SSBP4: variants seen among roughly 807,000 people sequenced by gnomAD.
SSBP4 encodes single-stranded DNA-binding protein 4.
In SSBP4, 33 loss-of-function variants were observed where a neutral mutation model predicts 64.6. That is an observed-to-expected ratio of 0.51 (90% confidence interval 0.39 to 0.68). The LOEUF is 0.68. Among genes scored for constraint, SSBP4 ranks in the 30% least tolerant of loss-of-function variants. The pLI, the probability that SSBP4 is intolerant of heterozygous loss-of-function variation, is 0.00. For missense variants in SSBP4, 583 were observed against 566.8 expected (o/e 1.03, Z -0.29); for synonymous variants, 243 against 224.0 (o/e 1.08, Z -0.76).
rs565424877 is a variant in SSBP4 at position 18,434,277 on chromosome 19, C to T, written c.*31C>T. 3.1e-6 allele frequency: 5 copies of T among 1,609,262 alleles called. No individual in the cohort carries two copies. In the South Asian group the frequency reaches 5.5e-5, roughly 18 times the overall value. ...CGGCAGCCCCGGGCCTCTCTGCGGG[C>T]CTAGGCTTCTGCCCAGCGCCCCTGC... is the stretch of plus-strand genomic sequence containing the variant. On this transcript the variant is annotated 3_prime_UTR_variant, in exon 18 of 18. Transcript: ENST00000270061.
Position 18,427,980 on chromosome 19 carries a change from T to A in SSBP4, c.277T>A (p.Tyr93Asn). The A allele has an allele frequency of 6.2e-7, 1 of 1,611,032 alleles. No individual in the cohort carries two copies. Among genetic ancestry groups the A allele is most frequent in the Non-Finnish European group, 8.5e-7 (1 of 1,179,846 alleles). The change falls in exon 4 of 18, where the codon TAT becomes AAT. Residue 93 changes from tyrosine to asparagine, a missense_variant and splice_region_variant. By Grantham distance (143) the Tyr-to-Asn change is moderately radical. This residue lies in a region of SSBP4 where 444 missense variants were observed against 386.6 expected (regional missense o/e 1.15). Transcript: ENST00000270061. The surrounding 1 kb of genome is among the most constrained non-coding windows in gnomAD (Gnocchi z 4.4). ...CGGCGAGGCCAAGGCCTTCCAGGACTATGTGAGTCCTGGCCCCAGGGACTC... is the reference window on the plus strand; with the variant it reads ...CGGCGAGGCCAAGGCCTTCCAGGACAATGTGAGTCCTGGCCCCAGGGACTC... ...HSGEAKAFQD[Y>N]SAAAAPSPVM...
In SSBP4 at chr19:18,433,028, C is replaced by T. The variant is rs780834579; in HGVS notation, c.897C>T (p.Gly299=). 1 of 1,614,142 alleles carries T rather than the reference C, an allele frequency of 6.2e-7. No homozygotes were observed. The highest frequency in any genetic ancestry group is 8.5e-7 in the Non-Finnish European group (1 of 1,180,032). Residue 299 remains glycine, a synonymous_variant, in exon 14 of 18, where the codon GGC becomes GGT. Coordinates refer to ENST00000270061, the MANE Select transcript of SSBP4 (RefSeq NM_032627.5). ...CTATCATGAACCCCATCGGGCAGGG[C>T]GCCGGCAGGGCTAATGTGAGTGGGG... ...MYTIMNPIGQ[G]AGRANFPLGP...
At chr19:18,433,410 C>A in intron 15 of SSBP4, 175 bp from the exon 16 acceptor site, 2 of 1,296,372 alleles carry the variant, frequency 1.5e-6, no homozygotes, top group Non-Finnish European at 2.1e-6. Context: ...GCACTGACCG[C>A]CCCTCCCCCC....
Position 18,427,549 on chromosome 19 carries a change from G to A in SSBP4, c.132+126G>A. 1 of 1,309,122 alleles carries A rather than the reference G, an allele frequency of 7.6e-7. No individual in the cohort carries two copies. The highest frequency in any genetic ancestry group is 1.0e-6 in the Non-Finnish European group (1 of 953,718). The allele number at this position is 1,309,122 out of a possible 1,614,324, so 81.1% of individuals were successfully genotyped here. A position where few individuals can be genotyped will look rare whatever the true frequency, so the allele number is the denominator to read the frequency against. ...GATGGCCCTGGGAACTGAGGGCTCT[G>A]CAGGGTCCAGGCCCTGGGCTAGCAT... is the stretch of plus-strand genomic sequence containing the variant. On this transcript the variant is annotated intron_variant, in intron 2 of 17. Transcript: ENST00000270061. This position sits in a 1 kb window ranked among gnomAD's most constrained non-coding sequence, Gnocchi z 4.4.
At chr19:18,431,600 G>C in intron 6 of SSBP4, 47 bp from the exon 7 acceptor site, 1 of 1,518,794 alleles carries the variant, frequency 6.6e-7, no homozygotes, top group Non-Finnish European at 8.9e-7. Context: ...GTAGCTTTGG[G>C]GACCAGAGGG....
the SSBP4 span, among the ~76,000 whole-genome samples, chr19:18,404,370 G>C: frequency 6.6e-6 from 1 of 151,754 alleles, no homozygotes; most frequent in Admixed American, 6.6e-5. Context: ...GAGGCAGGTG[G>C]ATCACCTGAG....
chr19:18,432,505 G>A, intron 10 of SSBP4, 54 bp from the exon 11 acceptor site: 2 of 1,529,892 alleles, frequency 1.3e-6, no homozygotes, highest in Non-Finnish European at 1.8e-6. Context: ...GTGTGGTGAG[G>A]GCTGTGATCC....
chr19:18,404,720 G>C, the SSBP4 span, among the ~76,000 whole-genome samples: 1 of 150,292 alleles, frequency 6.7e-6, no homozygotes, highest in Non-Finnish European at 1.5e-5. Context: ...GTGAAACCCC[G>C]TCTCTACTAA....
rs1039132443 is a variant in SSBP4, at chr19:18,427,510, C to T, written c.132+87C>T. On this transcript the variant is annotated intron_variant, in intron 2 of 17. Transcript: ENST00000270061. This position sits in a 1 kb window ranked among gnomAD's most constrained non-coding sequence, Gnocchi z 4.4. ...CCACTGGGGATCCAGGGGGTGGGCCCGCGTTGCCCCTCTGATGGCCCTGGG... is the reference window on the plus strand; with the variant it reads ...CCACTGGGGATCCAGGGGGTGGGCCTGCGTTGCCCCTCTGATGGCCCTGGG... 2.1e-5 allele frequency: 31 copies of T among 1,491,338 alleles called. No individual in the cohort carries two copies. The highest frequency in any genetic ancestry group is 2.6e-5 in the Non-Finnish European group (29 of 1,099,038). 92.4% of individuals were successfully genotyped at this position (1,491,338 alleles called of 1,614,324 possible).
At chr19:18,420,876 AAC>A (rs933322582) in intron 1 of SSBP4, among the ~76,000 whole-genome samples, 1 of 151,868 alleles carries the variant, frequency 6.6e-6, no homozygotes, top group African/African-American at 2.4e-5. Flanking sequence ...AAAACAAAAA[AAC>A]AGTGCCCAGG....
At chr19:18,433,254 GC>G (rs750110545) in intron 15 of SSBP4, 41 bp downstream of exon 15, 3 of 1,536,670 alleles carry the variant, frequency 2.0e-6, no homozygotes, top group South Asian at 1.2e-5. Flanking sequence ...TGCCTTCCGG[GC>G]CCGTGCGCTC....
At chr19:18,429,087 C>T (rs1973104068) in intron 4 of SSBP4, among the ~76,000 whole-genome samples, 1 of 149,774 alleles carries the variant, frequency 6.7e-6, no homozygotes, top group Non-Finnish European at 1.5e-5. Context: ...GGGCCCAGGG[C>T]GGAGGCCGCC....
At chr19:18,421,205 G>A (rs537975563) in intron 1 of SSBP4, among the ~76,000 whole-genome samples, 5 of 152,362 alleles carry the variant, frequency 3.3e-5, no homozygotes, top group African/African-American at 9.6e-5. Flanking sequence ...TTGGAGAAGA[G>A]GCTCTTCTGG....
At chr19:18,419,317 A>C, upstream of SSBP4, 4 of 1,002,658 alleles carry the variant, frequency 4.0e-6, no homozygotes, top group Admixed American at 5.9e-5. Context: ...CGCGCCCGCC[A>C]TCGCCCCTTT....
rs576964167 is a variant in SSBP4 at position 18,431,003 on chromosome 19, C to T, written c.369+73C>T. 4.4e-5 allele frequency: 68 copies of T among 1,535,976 alleles called. No individual in the cohort carries two copies. The African/African-American group carries it at 7.8e-4, about 18-fold the overall frequency. On this transcript the variant is annotated intron_variant, in intron 5 of 17. Transcript: ENST00000270061. ...GCGTTTGAGGGTGGGGGGGGTCCCA[C>T]GTGGGCAGAGGTCATGAGGCCGGCA... is the stretch of plus-strand genomic sequence containing the variant.
At chr19:18,406,984 A>G in the SSBP4 span, among the ~76,000 whole-genome samples, 15 of 152,218 alleles carry the variant, frequency 9.9e-5, no homozygotes, top group East Asian at 2.9e-3. Context: ...CCGCACCTCA[A>G]CATCTCTGTG....
In SSBP4 at chr19:18,427,892, C is replaced by A; in HGVS notation, c.195-6C>A. On this transcript the variant is annotated splice_polypyrimidine_tract_variant and splice_region_variant and intron_variant, in intron 3 of 17. Coordinates refer to ENST00000270061, the MANE Select transcript of SSBP4 (RefSeq NM_032627.5). The surrounding 1 kb of genome is among the most constrained non-coding windows in gnomAD (Gnocchi z 4.4). Reference sequence around the variant, plus strand: ...TGGAGCAACCATCTTCCCCTTTGGCCCACAGCGTCTTCTGGGACCTGTACT... The same window carrying A: ...TGGAGCAACCATCTTCCCCTTTGGCACACAGCGTCTTCTGGGACCTGTACT... The A allele has an allele frequency of 6.2e-7, 1 of 1,614,056 alleles. No individual in the cohort carries two copies. Among genetic ancestry groups the A allele is most frequent in the African/African-American group, 1.3e-5 (1 of 75,034 alleles).
chr19:18,414,440 A>C (rs1325715972), upstream of SSBP4, among the ~76,000 whole-genome samples: 1 of 151,526 alleles, frequency 6.6e-6, no homozygotes, highest in African/African-American at 2.4e-5. Flanking sequence ...GCAGTGAGCT[A>C]TGATTGTGCC....
At chr19:18,417,884 G>A (rs924297856), upstream of SSBP4, among the ~76,000 whole-genome samples, 2 of 152,080 alleles carry the variant, frequency 1.3e-5, no homozygotes, top group African/African-American at 2.4e-5. The surrounding 1 kb of genome is among the most constrained non-coding windows in gnomAD (Gnocchi z 5.4). Context: ...GGGTGGGGGC[G>A]GGGGGTTCTC....
Sources: allele counts gnomAD v4.1 joint callset (sites outside exome capture counted in the v4.1 genomes callset), GRCh38; gene constraint gnomAD v4.1.1; regional missense constraint gnomAD v4.1.1; non-coding constraint Gnocchi (gnomAD v3.1); transcripts MANE v1.5; gene names NCBI Gene and HGNC (gene_info 2026-07-23, HGNC 2026-07-21).